The following L3MBTL4 variants were observed in gnomAD, a reference collection of about 807,000 sequenced individuals.
L3MBTL4 encodes lethal(3)malignant brain tumor-like protein 4.
L3MBTL4 carries 70 observed loss-of-function variants against 84.5 expected under a neutral mutation model. The ratio of observed to expected loss-of-function variants is 0.83; its 90% CI spans 0.68 to 1.01. L3MBTL4 has a LOEUF of 1.01. L3MBTL4 is among the 50% of genes least tolerant of loss of function. The probability of loss-of-function intolerance (pLI) is 0.00; values close to 1 mark genes in which losing one functional copy is unlikely to be tolerated. For missense variants in L3MBTL4, 715 were observed against 754.8 expected, an observed-to-expected ratio of 0.95 and a Z score of 0.62; for synonymous variants, 274 against 259.8, an observed-to-expected ratio of 1.05 and a Z score of -0.52.
chr18:6,261,132 C>T (rs759417224), intron 5 of L3MBTL4, among the ~76,000 whole-genome samples: 1 of 152,168 alleles, frequency 6.6e-6, no homozygotes, highest in Non-Finnish European at 1.5e-5. Flanking sequence ...GGGCAATTAA[C>T]ATTCTACCTC....
chr18:6,048,992 T>C (rs1269368971), intron 16 of L3MBTL4, among the ~76,000 whole-genome samples: 1 of 152,038 alleles, frequency 6.6e-6, no homozygotes, highest in African/African-American at 2.4e-5. Flanking sequence ...GGATTAAAGA[T>C]TTAAATGTAA....
rs530827802 is a variant in L3MBTL4 at position 6,339,787 on chromosome 18, G to A, written c.-90-27731C>T. On this transcript the variant is annotated intron_variant, in intron 1 of 18. Coordinates refer to ENST00000317931, the MANE Select transcript of L3MBTL4 (RefSeq NM_001330559.2). ...TACAGATCATACATATATTAAAGAC[G>A]TAATAAAAACATCATAAACAACTTC... 4.6e-5 allele frequency among the ~76,000 whole-genome samples: 7 copies of A among 152,084 alleles called. No individual in the cohort carries two copies. The East Asian group carries it at 5.8e-4, about 13-fold the overall frequency.
At chr18:6,240,063 G>A (rs1420352237) in intron 8 of L3MBTL4, among the ~76,000 whole-genome samples, 191 bp from the exon 9 acceptor site, 5 of 152,278 alleles carry the variant, frequency 3.3e-5, no homozygotes, top group African/African-American at 9.6e-5. Context: ...CATAACAAAG[G>A]CCCAGGAAAC....
intron 16 of L3MBTL4, among the ~76,000 whole-genome samples, chr18:5,995,161 C>T (rs1231269181): frequency 6.6e-6 from 1 of 152,264 alleles, no homozygotes; most frequent in East Asian, 1.9e-4. Context: ...TGACAATCAC[C>T]ATCTGTGCTT....
intron 1 of L3MBTL4, among the ~76,000 whole-genome samples, chr18:6,376,960 A>G (rs546044855): frequency 2.0e-5 from 3 of 152,322 alleles, no homozygotes; most frequent in African/African-American, 7.2e-5. Context: ...CCAACTATCT[A>G]AGGACATTAG....
At chr18:6,046,425 A>C (rs765352784) in intron 16 of L3MBTL4, among the ~76,000 whole-genome samples, 2 of 152,230 alleles carry the variant, frequency 1.3e-5, no homozygotes, top group Non-Finnish European at 2.9e-5. Context: ...CATCTACAGA[A>C]TACTCCACCA....
chr18:5,981,983 T>TGTGTGTGTGA (rs2053245431), intron 16 of L3MBTL4, among the ~76,000 whole-genome samples: 2 of 131,244 alleles, frequency 1.5e-5, no homozygotes, highest in African/African-American at 7.2e-5. Context: ...TCTGTGTGTG[T>TGTGTGTGTGA]GTGTGTGTGT....
chr18:6,093,658 C>T (rs956155278), intron 14 of L3MBTL4, 130 bp from the exon 15 acceptor site: 4 of 680,992 alleles, frequency 5.9e-6, no homozygotes, highest in African/African-American at 1.9e-5. Flanking sequence ...CCTGAGCACA[C>T]TCAAATAATA....
chr18:6,233,073 T>C (rs1377436561), intron 10 of L3MBTL4, among the ~76,000 whole-genome samples: 1 of 152,072 alleles, frequency 6.6e-6, no homozygotes, highest in Non-Finnish European at 1.5e-5. Flanking sequence ...AAAAACCACA[T>C]GATTATCTCA....
chr18:6,310,018 T>G (rs540603982), intron 3 of L3MBTL4, among the ~76,000 whole-genome samples: 1 of 152,076 alleles, frequency 6.6e-6, no homozygotes, highest in African/African-American at 2.4e-5. Context: ...ACCCCTAGAG[T>G]AGCTGATTCA....
chr18:6,400,707 C>T (rs2055474982), intron 1 of L3MBTL4, among the ~76,000 whole-genome samples: 1 of 152,144 alleles, frequency 6.6e-6, no homozygotes, highest in Admixed American at 6.5e-5. Flanking sequence ...ACACCACACC[C>T]GGCACAGGAT....
At chr18:6,139,918 G>GGCTC (rs1372939398) in intron 13 of L3MBTL4, among the ~76,000 whole-genome samples, 1 of 152,108 alleles carries the variant, frequency 6.6e-6, no homozygotes, top group African/African-American at 2.4e-5. Context: ...CTTTGGCACT[G>GGCTC]GCTCTCCATG....
chr18:6,128,999 T>G (rs1251058565), intron 14 of L3MBTL4, among the ~76,000 whole-genome samples: 1 of 151,894 alleles, frequency 6.6e-6, no homozygotes, highest in African/African-American at 2.4e-5. Flanking sequence ...CCAGAGGGTG[T>G]TCAGTCAAAG....
At chr18:5,998,324 C>T (rs1017759733) in intron 16 of L3MBTL4, among the ~76,000 whole-genome samples, 1 of 152,220 alleles carries the variant, frequency 6.6e-6, no homozygotes, top group Non-Finnish European at 1.5e-5. Context: ...AGCCCCCTCC[C>T]CTGCGCTGCG....
chr18:5,993,015 TG>T (rs1365457850), intron 16 of L3MBTL4, among the ~76,000 whole-genome samples: 1 of 152,176 alleles, frequency 6.6e-6, no homozygotes, highest in Non-Finnish European at 1.5e-5. Context: ...GGGGCACAGA[TG>T]ATGGGTTGGT....
chr18:6,043,796 A>G (rs542893634), intron 16 of L3MBTL4, among the ~76,000 whole-genome samples: 191 of 152,296 alleles, frequency 1.3e-3, no homozygotes, highest in African/African-American at 4.4e-3. Context: ...GAGCTCCAAT[A>G]CTTGTGCTCT....
intron 4 of L3MBTL4, among the ~76,000 whole-genome samples, chr18:6,300,682 C>T (rs528543234): frequency 1.3e-5 from 2 of 152,162 alleles, no homozygotes; most frequent in South Asian, 2.1e-4. Context: ...GTAAATGTTT[C>T]GACCACAGAA....
intron 16 of L3MBTL4, among the ~76,000 whole-genome samples, chr18:5,994,397 T>G (rs533102456): frequency 4.7e-4 from 71 of 152,284 alleles, no homozygotes; most frequent in Non-Finnish European, 3.5e-4. Context: ...CCTTAGAAAA[T>G]ATTTCCCTTA....
At chr18:6,326,103 G>A (rs551939631) in intron 1 of L3MBTL4, among the ~76,000 whole-genome samples, 56 of 152,252 alleles carry the variant, frequency 3.7e-4, no homozygotes, top group Non-Finnish European at 7.2e-4. Context: ...CTGAACCAGG[G>A]CATCAGCCTC....
Sources: gnomAD v4.1 joint callset for allele counts (sites outside exome capture counted in the v4.1 genomes callset) on GRCh38, gnomAD v4.1.1 for gene constraint, MANE v1.5 for transcripts, NCBI Gene and HGNC (gene_info 2026-07-23, HGNC 2026-07-21) for gene names.